The following ZNF248 variants were observed in gnomAD, a reference collection of about 807,000 sequenced individuals.
ZNF248 encodes zinc finger protein 248, also known as KRAB protein domain.
In ZNF248, 20 loss-of-function variants were observed where a neutral mutation model predicts 44.3. The observed-to-expected ratio is 0.45, with a 90% CI of 0.32 to 0.66. ZNF248 has a LOEUF of 0.66. ZNF248 is among the 30% of genes least tolerant of loss of function. The pLI, the probability that ZNF248 is intolerant of heterozygous loss-of-function variation, is 0.04. For synonymous variants in ZNF248, 224 were observed against 229.0 expected (o/e 0.98, Z 0.20); for missense variants, 654 against 677.0 (o/e 0.97, Z 0.38).
At chr10:37,850,816 A>G (rs891513466) in intron 3 of ZNF248, among the ~76,000 whole-genome samples, 5 of 152,138 alleles carry the variant, frequency 3.3e-5, no homozygotes, top group African/African-American at 1.2e-4. Context: ...CTCTAAATAG[A>G]TGAAGTACTT....
chr10:37,830,993 A>G lies in ZNF248; in HGVS notation c.*622T>C. On this transcript the variant is annotated 3_prime_UTR_variant, in exon 6 of 6. Coordinates refer to ENST00000395867, the MANE Select transcript of ZNF248 (RefSeq NM_021045.3). ...TTTTAAGTCAGTATGAGGTTATACT[A>G]GCACATCACTATATTTAAGTATGTG... 1.4e-6 allele frequency: 1 copy of G among 729,938 alleles called. No homozygotes were observed. The highest frequency in any genetic ancestry group is 1.8e-6 in the Non-Finnish European group (1 of 561,308). 45.2% of individuals were successfully genotyped at this position (729,938 alleles called of 1,614,324 possible). A position where few individuals can be genotyped will look rare whatever the true frequency, so the allele number is the denominator to read the frequency against.
intron 6 of ZNF248, chr10:37,820,470 G>T (rs1148276): frequency 0.074 from 118,717 of 1,594,468 alleles, 5,046 homozygotes; most frequent in Non-Finnish European, 0.087. Flanking sequence ...CAGAGGGGCT[G>T]TTCTACTTGT....
intron 6 of ZNF248, among the ~76,000 whole-genome samples, chr10:37,787,638 C>A (rs2048039936): frequency 1.7e-5 from 2 of 115,818 alleles, no homozygotes; most frequent in African/African-American, 3.6e-5. Context: ...AATTGTATAT[C>A]CCCATGCCAA....
At chr10:37,787,038 G>C (rs1405089107) in intron 6 of ZNF248, among the ~76,000 whole-genome samples, 1 of 152,140 alleles carries the variant, frequency 6.6e-6, no homozygotes, top group Non-Finnish European at 1.5e-5. Context: ...CCAGCACTTT[G>C]GGAGGCTGAG....
intron 6 of ZNF248, among the ~76,000 whole-genome samples, chr10:37,799,721 AAT>A (rs2133194577): frequency 1.3e-5 from 2 of 152,324 alleles, no homozygotes; most frequent in African/African-American, 4.8e-5. Context: ...TGGAAGAAAA[AAT>A]ACACACAGAC....
intron 3 of ZNF248, 144 bp from the exon 4 acceptor site, chr10:37,838,255 T>A (rs545480671): frequency 4.6e-6 from 3 of 647,546 alleles, no homozygotes; most frequent in East Asian, 6.0e-5. Context: ...ATACAAAATA[T>A]CTTGTATAAA....
the ZNF248 span, among the ~76,000 whole-genome samples, chr10:37,769,786 G>A: frequency 1.3e-5 from 2 of 152,170 alleles, no homozygotes; most frequent in Admixed American, 6.6e-5. Flanking sequence ...AATTAGGCAG[G>A]AGAAGAAAAT....
At chr10:37,837,780 G>A (rs1735601) in intron 4 of ZNF248, 68 bp from the exon 5 acceptor site, 107,677 of 1,450,596 alleles carry the variant, frequency 0.074, 4,645 homozygotes, top group Non-Finnish European at 0.087. Flanking sequence ...AATACATCAT[G>A]GGGAAGAAAG....
chr10:37,820,631 G>C (rs2053310960), intron 6 of ZNF248: 1 of 1,542,414 alleles, frequency 6.5e-7, no homozygotes, highest in African/African-American at 1.4e-5. Flanking sequence ...CCCTTGGCTA[G>C]TTTCATGTGG....
At chr10:37,841,123 T>C (rs1431129214) in intron 3 of ZNF248, among the ~76,000 whole-genome samples, 1 of 152,250 alleles carries the variant, frequency 6.6e-6, no homozygotes, top group Non-Finnish European at 1.5e-5. Flanking sequence ...CATGATTTTT[T>C]ATAGCTATAA....
At chr10:37,821,213 C>T (rs1012775758) in intron 6 of ZNF248, among the ~76,000 whole-genome samples, 1 of 149,982 alleles carries the variant, frequency 6.7e-6, no homozygotes, top group Admixed American at 6.6e-5. Context: ...TAAGCAACTA[C>T]AAAAATGACA....
chr10:37,837,778 A>T, intron 4 of ZNF248, 66 bp from the exon 5 acceptor site: 3 of 1,472,302 alleles, frequency 2.0e-6, no homozygotes, highest in Non-Finnish European at 2.8e-6. Context: ...TGAATACATC[A>T]TGGGGAAGAA....
intron 6 of ZNF248, among the ~76,000 whole-genome samples, chr10:37,788,457 C>G (rs957116029): frequency 6.6e-6 from 1 of 151,714 alleles, no homozygotes; most frequent in Admixed American, 6.6e-5. Context: ...CCCATCTCTA[C>G]CAAGAATACA....
intron 6 of ZNF248, chr10:37,795,862 CTT>C (rs1490369872): frequency 3.3e-5 from 5 of 152,128 alleles, no homozygotes; most frequent in Admixed American, 6.5e-5. Flanking sequence ...CACGTAAAGT[CTT>C]TTTATGATTA....
At chr10:37,804,660 C>T (rs2050302964) in intron 6 of ZNF248, among the ~76,000 whole-genome samples, 1 of 152,208 alleles carries the variant, frequency 6.6e-6, no homozygotes, top group Admixed American at 6.5e-5. Context: ...TGGTCTCGAA[C>T]TCCTGGGCTA....
chr10:37,854,849 CAG>C (rs1157619800), intron 3 of ZNF248, among the ~76,000 whole-genome samples: 1 of 152,148 alleles, frequency 6.6e-6, no homozygotes, highest in East Asian at 1.9e-4. Flanking sequence ...CATGTTCTGT[CAG>C]AGAAACATCT....
downstream of ZNF248, among the ~76,000 whole-genome samples, chr10:37,774,862 C>A (rs898540988): frequency 6.6e-6 from 1 of 152,084 alleles, no homozygotes. Context: ...CTCACTGCAA[C>A]CTCTGCCTCC....
At chr10:37,793,292 G>A (rs1444694287) in intron 6 of ZNF248, among the ~76,000 whole-genome samples, 1 of 151,954 alleles carries the variant, frequency 6.6e-6, no homozygotes, top group Non-Finnish European at 1.5e-5. Context: ...CCGAGATCAC[G>A]CCACTGCACT....
rs1169381483 is a variant in ZNF248, at chr10:37,831,753, A to C, written c.1602T>G (p.Ala534=). The C allele has an allele frequency of 6.2e-7, 1 of 1,607,294 alleles. No homozygotes were observed. The highest frequency in any genetic ancestry group is 1.1e-5 in the South Asian group (1 of 90,824). ...TGTGAGTCCTCTGATGTTTAGTGAGAGCTGATTTTTCACAGAAGGTTTTCC... is the reference window on the plus strand; with the variant it reads ...TGTGAGTCCTCTGATGTTTAGTGAGCGCTGATTTTTCACAGAAGGTTTTCC... ...ECGKTFCEKS[A]LTKHQRTHTG... The change falls in exon 6 of 6, where the codon GCT becomes GCG. Residue 534 remains alanine (A), a synonymous_variant. Transcript: ENST00000395867.
Sources: allele counts gnomAD v4.1 joint callset (sites outside exome capture counted in the v4.1 genomes callset), GRCh38; gene constraint gnomAD v4.1.1; transcripts MANE v1.5; gene names NCBI Gene and HGNC (gene_info 2026-07-23, HGNC 2026-07-21).